The following HOOK3 variants were observed in gnomAD, a reference collection of about 807,000 sequenced individuals.
HOOK3 encodes hook microtubule tethering protein 3.
A neutral mutation model predicts 116.3 loss-of-function variants in HOOK3; 24 were observed. The observed-to-expected ratio is 0.21, with a 90% CI of 0.15 to 0.29. The LOEUF (loss-of-function observed/expected upper bound fraction) is 0.29. Among genes scored for constraint, HOOK3 ranks in the 10% least tolerant of loss-of-function variants. The pLI is 1.00. For synonymous variants in HOOK3, 275 were observed against 283.0 expected (o/e 0.97, Z 0.28); for missense variants, 632 against 830.2 (o/e 0.76, Z 2.93).
rs1337699734 is a variant in HOOK3, at chr8:43,022,751, A to C, written c.*4253A>C. 2 of 179,838 alleles carry C rather than the reference A, an allele frequency of 1.1e-5. No homozygotes were observed. Among genetic ancestry groups the C allele is most frequent in the African/African-American group, 4.7e-5 (2 of 42,398 alleles). 11.1% of individuals were successfully genotyped at this position (179,838 alleles called of 1,614,324 possible). The stretch of plus-strand genomic sequence containing the variant: ...AAGACCCTGTGTTCCAAAATTTACC[A>C]AGATTGACATTTCTATTAGACATCC... On this transcript the variant is annotated 3_prime_UTR_variant, in exon 22 of 22. Transcript: ENST00000307602.
At chr8:43,018,302 GT>G in intron 21 of HOOK3, 55 bp from the exon 22 acceptor site, 1 of 1,484,500 alleles carries the variant, frequency 6.7e-7, no homozygotes. Flanking sequence ...ATTTTCTTTT[GT>G]GAAGTATGTT....
chr8:42,906,312 G>A, intron 2 of HOOK3, 54 bp downstream of exon 2: 1 of 1,257,866 alleles, frequency 7.9e-7, no homozygotes, highest in South Asian at 1.2e-5. Context: ...ATATTTGTTA[G>A]GTTGAAAACA....
intron 14 of HOOK3, among the ~76,000 whole-genome samples, chr8:42,985,576 GTCT>G (rs2130450854): frequency 6.6e-6 from 1 of 152,048 alleles, no homozygotes; most frequent in South Asian, 2.1e-4. Context: ...CTTTTCATTT[GTCT>G]TCTTTTCCGT....
chr8:42,920,284 G>A (rs1393324702), intron 2 of HOOK3, among the ~76,000 whole-genome samples: 1 of 152,134 alleles, frequency 6.6e-6, no homozygotes, highest in Non-Finnish European at 1.5e-5. Flanking sequence ...ATTCGAGCCT[G>A]CGACCATTAA....
intron 6 of HOOK3, among the ~76,000 whole-genome samples, chr8:42,954,735 C>G (rs1200632553): frequency 6.6e-6 from 1 of 152,206 alleles, no homozygotes; most frequent in Non-Finnish European, 1.5e-5. Context: ...GACATGGTCT[C>G]TTTCCTCACA....
chr8:42,924,570 A>G (rs1807726523), intron 2 of HOOK3, among the ~76,000 whole-genome samples: 1 of 152,242 alleles, frequency 6.6e-6, no homozygotes, highest in Non-Finnish European at 1.5e-5. Flanking sequence ...TGAAGAAATC[A>G]GAATTTAGTG....
chr8:42,939,139 C>G (rs889791653), intron 4 of HOOK3, among the ~76,000 whole-genome samples: 1 of 152,238 alleles, frequency 6.6e-6, no homozygotes, highest in East Asian at 1.9e-4. Context: ...CAACGGCAAC[C>G]ATCTGATTTC....
chr8:42,918,016 T>C (rs1233847097), intron 2 of HOOK3, among the ~76,000 whole-genome samples: 1 of 152,204 alleles, frequency 6.6e-6, no homozygotes, highest in African/African-American at 2.4e-5. Context: ...AATTTGCTAG[T>C]AAAGATGCCA....
chr8:42,976,338 C>T (rs996146587), intron 13 of HOOK3, among the ~76,000 whole-genome samples: 8 of 151,752 alleles, frequency 5.3e-5, no homozygotes, highest in African/African-American at 1.9e-4. Context: ...AGACACCCCA[C>T]CCCAACAAAA....
intron 14 of HOOK3, among the ~76,000 whole-genome samples, chr8:42,983,883 C>T (rs980688157): frequency 2.0e-5 from 3 of 152,100 alleles, no homozygotes; most frequent in African/African-American, 7.2e-5. Context: ...CTGAATATTG[C>T]TTTTTACCTT....
At chr8:43,004,914 A>G (rs913902606) in intron 17 of HOOK3, among the ~76,000 whole-genome samples, 4 of 152,060 alleles carry the variant, frequency 2.6e-5, no homozygotes, top group Non-Finnish European at 5.9e-5. Context: ...TTGTCCGTGC[A>G]TACCAGGAGG....
At chr8:43,010,759 AC>A (rs1480090045) in intron 19 of HOOK3, among the ~76,000 whole-genome samples, 1 of 152,200 alleles carries the variant, frequency 6.6e-6, no homozygotes, top group African/African-American at 2.4e-5. Context: ...AATTTAAGCA[AC>A]CTTCTATTTC....
chr8:42,980,027 G>A (rs1394166179), intron 13 of HOOK3, among the ~76,000 whole-genome samples: 2 of 148,948 alleles, frequency 1.3e-5, no homozygotes, highest in Non-Finnish European at 3.0e-5. Context: ...GCAATGGTGC[G>A]ATCTCTGCTC....
intron 3 of HOOK3, among the ~76,000 whole-genome samples, chr8:42,929,621 A>G (rs1406476740): frequency 6.6e-6 from 1 of 152,214 alleles, no homozygotes; most frequent in African/African-American, 2.4e-5. Context: ...TAAAGAAACA[A>G]TAGTTTTTTT....
chr8:42,933,854 C>G (rs964678095), intron 4 of HOOK3, among the ~76,000 whole-genome samples: 2 of 152,152 alleles, frequency 1.3e-5, no homozygotes, highest in Admixed American at 1.3e-4. Context: ...GACTCCCACT[C>G]CCTGTTGGTA....
chr8:43,014,862 T>C (rs1809681306), intron 21 of HOOK3, among the ~76,000 whole-genome samples: 1 of 152,144 alleles, frequency 6.6e-6, no homozygotes, highest in Non-Finnish European at 1.5e-5. Context: ...TGTGTAACGA[T>C]GGCTCGGTGC....
intron 6 of HOOK3, among the ~76,000 whole-genome samples, chr8:42,955,369 C>T (rs1033354354): frequency 2.0e-5 from 3 of 151,976 alleles, no homozygotes; most frequent in Non-Finnish European, 2.9e-5. Flanking sequence ...CCATCTATAC[C>T]GTGGGATGAC....
At chr8:42,961,408 A>G (rs1157811528) in intron 8 of HOOK3, among the ~76,000 whole-genome samples, 1 of 152,228 alleles carries the variant, frequency 6.6e-6, no homozygotes, top group Admixed American at 6.5e-5. Context: ...AGAAAACTGC[A>G]ACCATACCTA....
chr8:42,918,473 A>G (rs1245691718), intron 2 of HOOK3, among the ~76,000 whole-genome samples: 1 of 151,068 alleles, frequency 6.6e-6, no homozygotes, highest in African/African-American at 2.4e-5. Context: ...TGTTTCTCGG[A>G]GAGGGGGATT....
Sources: gnomAD v4.1 joint callset for allele counts (sites outside exome capture counted in the v4.1 genomes callset) on GRCh38, gnomAD v4.1.1 for gene constraint, MANE v1.5 for transcripts, NCBI Gene and HGNC (gene_info 2026-07-23, HGNC 2026-07-21) for gene names.